Variants in ZNF497 observed in about 807,000 individuals in gnomAD.
ZNF497 encodes the protein zinc finger-like protein.
For synonymous variants in ZNF497, 422 were observed against 313.7 expected, an observed-to-expected ratio of 1.35 and a Z score of -3.65; for missense variants, 930 against 714.0, an observed-to-expected ratio of 1.30 and a Z score of -3.45.
intron 2 of ZNF497, 77 bp from the exon 3 acceptor site, chr19:58,357,726 G>C (rs1262269890): frequency 7.3e-7 from 1 of 1,371,612 alleles, no homozygotes; most frequent in East Asian, 2.6e-5. Flanking sequence ...GGGACACGAC[G>C]GTGGGTGGGC....
chr19:58,357,227 G>T lies in ZNF497; in HGVS notation c.409C>A (p.Pro137Thr). The T allele has an allele frequency of 6.2e-7, 1 of 1,612,950 alleles. No individual in the cohort carries two copies. The highest frequency in any genetic ancestry group is 2.2e-5 in the East Asian group (1 of 44,860). The change falls in exon 3 of 3, where the codon CCC (proline) becomes ACC (threonine). Residue 137 changes from proline to threonine, a missense_variant. Coordinates refer to ENST00000311044, the MANE Select transcript of ZNF497 (RefSeq NM_198458.3). ...CAGGCGAAGGCCTTGCCGCACTCGGGGCACGTGTACGGCTTCTCGCCTGTG... is the reference window on the plus strand; with the variant it reads ...CAGGCGAAGGCCTTGCCGCACTCGGTGCACGTGTACGGCTTCTCGCCTGTG... ...VHTGEKPYTC[P>T]ECGKAFAWSS...
chr19:58,355,272 G>A lies in ZNF497; in HGVS notation c.*867C>T, dbSNP rs1316563030. 1 of 152,416 alleles carries A rather than the reference G, an allele frequency of 6.6e-6. No homozygotes were observed. Among genetic ancestry groups the A allele is most frequent in the Non-Finnish European group, 1.5e-5 (1 of 68,186 alleles). 9.4% of individuals were successfully genotyped at this position (152,416 alleles called of 1,614,324 possible). ...CGCCTATAATCCCAACGCTTTGGGAGGCTGAGGCAGGAGGATCACTTGAGC... is the reference window on the plus strand; with the variant it reads ...CGCCTATAATCCCAACGCTTTGGGAAGCTGAGGCAGGAGGATCACTTGAGC... On this transcript the variant is annotated 3_prime_UTR_variant, in exon 3 of 3. Transcript: ENST00000311044.
Position 58,355,987 on chromosome 19 carries a change from G to A in ZNF497, c.*152C>T. On this transcript the variant is annotated 3_prime_UTR_variant, in exon 3 of 3. Transcript: ENST00000311044. ...TATCGTCAAAGGGACTGTGCAGCCAGGGTTCTCCACACCCAAGGCCGCCCC... is the reference window on the plus strand; with the variant it reads ...TATCGTCAAAGGGACTGTGCAGCCAAGGTTCTCCACACCCAAGGCCGCCCC... The A allele has an allele frequency of 1.2e-6, 1 of 843,690 alleles. No homozygotes were observed. The highest frequency in any genetic ancestry group is 1.8e-6 in the Non-Finnish European group (1 of 567,382). The allele number at this position is 843,690 out of a possible 1,614,324, so 52.3% of individuals were successfully genotyped here. A position where few individuals can be genotyped will look rare whatever the true frequency, so the allele number is the denominator to read the frequency against.
At chr19:58,360,845 T>G (rs1014992325) in intron 1 of ZNF497, among the ~76,000 whole-genome samples, 1 of 132,994 alleles carries the variant, frequency 7.5e-6, no homozygotes. Context: ...CCAGTGGCGC[T>G]ATCCTGGCTC....
At chr19:58,360,096 A>G (rs774265418) in intron 1 of ZNF497, among the ~76,000 whole-genome samples, 2 of 152,220 alleles carry the variant, frequency 1.3e-5, no homozygotes, top group African/African-American at 2.4e-5. Context: ...TATTCCATTT[A>G]TGTGAAATGT....
At position 58,357,359 on chromosome 19, in the gene ZNF497, G is replaced by C. The variant is rs535055304; in HGVS notation, c.277C>G (p.Arg93Gly). 6.3e-7 allele frequency: 1 copy of C among 1,594,542 alleles called. No homozygotes were observed. Among genetic ancestry groups the C allele is most frequent in the African/African-American group, 1.3e-5 (1 of 74,570 alleles). Reference protein sequence around the residue: ...GAGPRSEPADRALRPSPLPEE... With the variant: ...GAGPRSEPADGALRPSPLPEE... ...GGGAGAGGCGAAGGGCGCAACGCCCGGTCTGCAGGCTCGCTCCTGGGCCCA... is the reference window on the plus strand; with the variant it reads ...GGGAGAGGCGAAGGGCGCAACGCCCCGTCTGCAGGCTCGCTCCTGGGCCCA... The change falls in exon 3 of 3, where the codon CGG becomes GGG. Residue 93 changes from arginine to glycine, a missense_variant. Arg to Gly is a moderately radical substitution (Grantham distance 125, BLOSUM62 -2). Transcript: ENST00000311044.
chr19:58,357,955 CACTGGCCCT>C (rs1490182540), intron 2 of ZNF497: 1 of 1,325,134 alleles, frequency 7.5e-7, no homozygotes, highest in Non-Finnish European at 9.7e-7. Context: ...CACGCACCTG[CACTGGCCCT>C]ACTGTGGCAC....
chr19:58,362,349 T>C (rs1456911696), intron 1 of ZNF497, among the ~76,000 whole-genome samples: 1 of 152,044 alleles, frequency 6.6e-6, no homozygotes, highest in Non-Finnish European at 1.5e-5. Flanking sequence ...AATAAATGAA[T>C]GTGGGAAGAA....
chr19:58,356,530 T>C lies in ZNF497; in HGVS notation c.1106A>G (p.Gln369Arg). ...ACAQCGKAFS[Q>R]RSNLLSHRRT... Reference sequence around the variant, plus strand: ...CCGGTGGCTCAGTAGGTTGGAGCGCTGGCTGAAGGCCTTGCCGCACTGGGC... The same window carrying C: ...CCGGTGGCTCAGTAGGTTGGAGCGCCGGCTGAAGGCCTTGCCGCACTGGGC... Residue 369 changes from glutamine (Q) to arginine (R), a missense_variant, in exon 3 of 3, where the codon CAG becomes CGG. By Grantham distance (43) the Gln-to-Arg change is conservative (BLOSUM62 1). Transcript: ENST00000311044. 1 of 1,548,138 alleles carries C rather than the reference T, an allele frequency of 6.5e-7. No individual in the cohort carries two copies. Among genetic ancestry groups the C allele is most frequent in the Non-Finnish European group, 8.7e-7 (1 of 1,152,224 alleles).
At chr19:58,357,927 G>A (rs766291305) in intron 2 of ZNF497, 5 of 1,353,360 alleles carry the variant, frequency 3.7e-6, no homozygotes, top group Non-Finnish European at 4.8e-6. Flanking sequence ...CAGCATCGCA[G>A]AAGGACTCAA....
In ZNF497 at chr19:58,356,707, G is replaced by A. The variant is rs752941661; in HGVS notation, c.929C>T (p.Ala310Val). Reference protein sequence around the residue: ...KPFPCAECGKAFRESSQLLQH... With the variant: ...KPFPCAECGKVFRESSQLLQH... ...CAGGAGCTGCGAGCTCTCGCGGAAA[G>A]CCTTTCCGCACTCGGCGCAGGGGAA... The change falls in exon 3 of 3, where the codon GCT becomes GTT. Residue 310 changes from alanine to valine, a missense_variant. By Grantham distance (64) the Ala-to-Val change is moderately conservative. Coordinates refer to ENST00000311044, the MANE Select transcript of ZNF497 (RefSeq NM_198458.3). 25 of 1,567,470 alleles carry A rather than the reference G, an allele frequency of 1.6e-5. No homozygotes were observed. In the East Asian group the frequency reaches 4.7e-4, roughly 29 times the overall value.
chr19:58,357,184 T>G lies in ZNF497; in HGVS notation c.452A>C (p.Gln151Pro). The G allele has an allele frequency of 1.9e-6, 3 of 1,613,140 alleles. No homozygotes were observed. The highest frequency in any genetic ancestry group is 2.5e-6 in the Non-Finnish European group (3 of 1,179,788). Residue 151 changes from glutamine to proline, a missense_variant, in exon 3 of 3, where the codon CAG becomes CCG. By Grantham distance (76) the Gln-to-Pro change is moderately conservative. Coordinates refer to ENST00000311044, the MANE Select transcript of ZNF497 (RefSeq NM_198458.3). ...CTCGCCGCTGTGGATGCGCTGGTGC[T>G]GGCTGAGGTTGGAGCTCCAGGCGAA... ...KAFAWSSNLS[Q>P]HQRIHSGEKP...
intron 1 of ZNF497, among the ~76,000 whole-genome samples, chr19:58,360,100 G>A (rs2052074871): frequency 2.0e-5 from 3 of 152,152 alleles, no homozygotes; most frequent in Admixed American, 2.0e-4. Flanking sequence ...CCATTTATGT[G>A]AAATGTCCAG....
intron 1 of ZNF497, among the ~76,000 whole-genome samples, chr19:58,360,556 T>G (rs929541381): frequency 1.5e-4 from 22 of 151,598 alleles, no homozygotes; most frequent in Non-Finnish European, 3.2e-4. Context: ...TGAGACGGAG[T>G]TTCGCTCTTT....
chr19:58,361,086 G>A (rs2052088828), intron 1 of ZNF497, among the ~76,000 whole-genome samples: 1 of 151,910 alleles, frequency 6.6e-6, no homozygotes, highest in Admixed American at 6.6e-5. Flanking sequence ...CCGGCCGGTG[G>A]GCCGGTCCTG....
At chr19:58,361,645 C>A (rs2052095279) in intron 1 of ZNF497, among the ~76,000 whole-genome samples, 1 of 152,208 alleles carries the variant, frequency 6.6e-6, no homozygotes, top group Non-Finnish European at 1.5e-5. Flanking sequence ...ACATGAGCCA[C>A]CGCACCTGGC....
In ZNF497 at chr19:58,357,357, C is replaced by G. The variant is rs773949996; in HGVS notation, c.279G>C (p.Arg93=). The change falls in exon 3 of 3, where the codon CGG becomes CGC. Residue 93 remains arginine (R), a synonymous_variant. Coordinates refer to ENST00000311044, the MANE Select transcript of ZNF497 (RefSeq NM_198458.3). ...CTGGGAGAGGCGAAGGGCGCAACGC[C>G]CGGTCTGCAGGCTCGCTCCTGGGCC... The part of the protein sequence containing the change: ...GAGPRSEPAD[R]ALRPSPLPEE... The G allele has an allele frequency of 1.3e-6, 2 of 1,595,224 alleles. No individual in the cohort carries two copies. The highest frequency in any genetic ancestry group is 1.7e-6 in the Non-Finnish European group (2 of 1,171,952).
chr19:58,358,206 C>T, intron 2 of ZNF497: 2 of 1,289,966 alleles, frequency 1.6e-6, no homozygotes, highest in South Asian at 1.2e-5. Flanking sequence ...GTGGCTGTTA[C>T]CCAGGCAATG....
Position 58,356,089 on chromosome 19 carries a change from G to A in ZNF497, c.*50C>T, listed in dbSNP as rs2052013429. ...CAGCAGACAGCGCACTCACGCCCGA[G>A]ACCCCGCAATGCCGTGTGTCCGCGA... On this transcript the variant is annotated 3_prime_UTR_variant, in exon 3 of 3. Coordinates refer to ENST00000311044, the MANE Select transcript of ZNF497 (RefSeq NM_198458.3). 6.8e-7 allele frequency: 1 copy of A among 1,481,102 alleles called. No individual in the cohort carries two copies. Among genetic ancestry groups the A allele is most frequent in the South Asian group, 1.4e-5 (1 of 73,084 alleles). 91.7% of individuals were successfully genotyped at this position (1,481,102 alleles called of 1,614,324 possible).
Sources: allele counts gnomAD v4.1 joint callset (sites outside exome capture counted in the v4.1 genomes callset), GRCh38; gene constraint gnomAD v4.1.1; transcripts MANE v1.5; gene names NCBI Gene and HGNC (gene_info 2026-07-23, HGNC 2026-07-21).